ARHGEF4: variants seen among roughly 807,000 people sequenced by gnomAD.
The protein encoded by ARHGEF4 is APC-stimulated guanine nucleotide exchange factor 1.
A neutral mutation model predicts 162.0 loss-of-function variants in ARHGEF4; 119 were observed. The observed-to-expected ratio is 0.73, with a 90% CI of 0.63 to 0.86. ARHGEF4 has a LOEUF of 0.86. Among genes scored for constraint, ARHGEF4 ranks in the 40% least tolerant of loss-of-function variants. The pLI, the probability that ARHGEF4 is intolerant of heterozygous loss-of-function variation, is 0.00. For synonymous variants in ARHGEF4, 1,014 were observed against 979.9 expected (o/e 1.03, Z -0.65); for missense variants, 2,488 against 2,456.0 (o/e 1.01, Z -0.28).
At chr2:130,949,596 C>T (rs771331329) in intron 4 of ARHGEF4, among the ~76,000 whole-genome samples, 16 of 151,420 alleles carry the variant, frequency 1.1e-4, no homozygotes, top group African/African-American at 2.2e-4. Flanking sequence ...CCTCGTGATC[C>T]GCCTGTCTTG....
chr2:130,902,766 T>C (rs1680562275), intron 1 of ARHGEF4, among the ~76,000 whole-genome samples: 1 of 152,216 alleles, frequency 6.6e-6, no homozygotes, highest in East Asian at 1.9e-4. Flanking sequence ...TCCTGTCGGG[T>C]CCGTACCATC....
At chr2:130,917,561 G>A in intron 2 of ARHGEF4, 63 bp downstream of exon 2, 1 of 1,475,594 alleles carries the variant, frequency 6.8e-7, no homozygotes, top group Non-Finnish European at 9.0e-7. Context: ...GAGGGGAGCA[G>A]GCGGGAATCT....
chr2:130,919,695 G>A (rs1192250187), intron 2 of ARHGEF4, among the ~76,000 whole-genome samples: 3 of 152,080 alleles, frequency 2.0e-5, no homozygotes, highest in Non-Finnish European at 4.4e-5. Context: ...GGCCAACATG[G>A]TGAAACCCCG....
At chr2:130,946,679 G>A in intron 4 of ARHGEF4, 44 bp downstream of exon 4, 4 of 1,610,426 alleles carry the variant, frequency 2.5e-6, no homozygotes, top group Non-Finnish European at 3.4e-6. Flanking sequence ...TCTGGATCCT[G>A]GCATGAAGGA....
intron 4 of ARHGEF4, among the ~76,000 whole-genome samples, chr2:130,993,749 G>A (rs1312991045): frequency 6.6e-6 from 1 of 151,994 alleles, no homozygotes; most frequent in Admixed American, 6.6e-5. Context: ...AGAGTCTGTA[G>A]GACATATCTT....
At chr2:131,031,134 C>A (rs1224473611) in intron 5 of ARHGEF4, among the ~76,000 whole-genome samples, 1 of 152,170 alleles carries the variant, frequency 6.6e-6, no homozygotes, top group Non-Finnish European at 1.5e-5. Flanking sequence ...TTTTTGAGCT[C>A]TCAGTTCCTT....
chr2:131,019,824 C>T (rs930873047), intron 4 of ARHGEF4, among the ~76,000 whole-genome samples: 2 of 152,042 alleles, frequency 1.3e-5, no homozygotes, highest in African/African-American at 2.4e-5. Flanking sequence ...TTAGTAAAGA[C>T]GGGGTTTCAC....
intron 1 of ARHGEF4, among the ~76,000 whole-genome samples, chr2:130,907,313 C>T (rs1410703530): frequency 6.7e-6 from 1 of 149,130 alleles, no homozygotes; most frequent in Non-Finnish European, 1.5e-5. Flanking sequence ...CTCCTGGGTT[C>T]ACGCCATTCT....
In ARHGEF4 at chr2:131,046,182, G is replaced by C. The variant is rs946415096; in HGVS notation, c.5624G>C (p.Arg1875Pro). 6.2e-7 allele frequency: 1 copy of C among 1,611,270 alleles called. No individual in the cohort carries two copies. Among genetic ancestry groups the C allele is most frequent in the African/African-American group, 1.3e-5 (1 of 75,018 alleles). Residue 1875 changes from arginine to proline, a missense_variant, in exon 14 of 14, where the codon CGC becomes CCC. By Grantham distance (103) the Arg-to-Pro change is moderately radical (BLOSUM62 -2). Around this residue, in one of 6 missense-constraint regions of ARHGEF4, gnomAD observed 415 missense variants for 512.4 expected, o/e 0.81. Transcript: ENST00000409359. ...AGCATCAGCCGGCTGGCACCCTTCC[G>C]CAAGTGAACTGGTCCCTGCCTGACA... Reference protein sequence around the residue: ...WHSISRLAPFRK With the variant: ...WHSISRLAPFPK
chr2:130,943,206 C>T (rs1350556066), intron 3 of ARHGEF4, among the ~76,000 whole-genome samples: 1 of 152,064 alleles, frequency 6.6e-6, no homozygotes, highest in Non-Finnish European at 1.5e-5. Context: ...TTATGTTCTT[C>T]TGTGTCCTTG....
intron 4 of ARHGEF4, among the ~76,000 whole-genome samples, chr2:130,958,071 G>C (rs1684403897): frequency 6.6e-6 from 1 of 151,354 alleles, no homozygotes; most frequent in African/African-American, 2.4e-5. Context: ...AGTATGCTCA[G>C]CTTGCCAAAG....
chr2:130,879,547 C>T (rs1048557199), intron 1 of ARHGEF4, among the ~76,000 whole-genome samples: 1 of 152,110 alleles, frequency 6.6e-6, no homozygotes, highest in African/African-American at 2.4e-5. Flanking sequence ...CTTATTCCTC[C>T]TGTCTAACTG....
Position 131,040,458 on chromosome 2 carries a change from G to C in ARHGEF4, c.4662+18G>C. ...TGGAGCATGTGAGCGCGCGGCCCCC[G>C]GCCCCTACCTGGGCGCTGCGTTCAC... On this transcript the variant is annotated intron_variant, in intron 8 of 13. Coordinates refer to ENST00000409359, the MANE Select transcript of ARHGEF4 (RefSeq NM_001367493.1). The C allele has an allele frequency of 1.3e-6, 2 of 1,540,744 alleles. No homozygotes were observed. Among genetic ancestry groups the C allele is most frequent in the Non-Finnish European group, 1.8e-6 (2 of 1,142,414 alleles).
At chr2:130,953,518 A>G (rs1033397782) in intron 4 of ARHGEF4, among the ~76,000 whole-genome samples, 1 of 152,212 alleles carries the variant, frequency 6.6e-6, no homozygotes, top group East Asian at 1.9e-4. Flanking sequence ...TGACTAAAAC[A>G]CCAAAAGTAA....
intron 1 of ARHGEF4, among the ~76,000 whole-genome samples, chr2:130,851,724 G>A (rs781341100): frequency 3.3e-5 from 5 of 152,214 alleles, no homozygotes; most frequent in African/African-American, 4.8e-5. Context: ...CAGCTCATCC[G>A]TGAGCTGGAA....
At chr2:130,896,231 A>G (rs1490657158) in intron 1 of ARHGEF4, among the ~76,000 whole-genome samples, 1 of 152,160 alleles carries the variant, frequency 6.6e-6, no homozygotes, top group South Asian at 2.1e-4. Flanking sequence ...TAATACATGA[A>G]CTTTTGTTCT....
chr2:130,968,874 C>T (rs986760842), intron 4 of ARHGEF4, among the ~76,000 whole-genome samples: 6 of 152,198 alleles, frequency 3.9e-5, no homozygotes, highest in Admixed American at 2.0e-4. Context: ...GCCGAGACTG[C>T]GCCACTGCAC....
intron 4 of ARHGEF4, among the ~76,000 whole-genome samples, chr2:130,973,604 G>A (rs915779416): frequency 6.6e-6 from 1 of 152,194 alleles, no homozygotes; most frequent in Non-Finnish European, 1.5e-5. Flanking sequence ...TCTGATAAGT[G>A]GATACCCATC....
chr2:131,012,017 G>A (rs1688484758), intron 4 of ARHGEF4: 2 of 671,856 alleles, frequency 3.0e-6, no homozygotes, highest in African/African-American at 3.6e-5. Flanking sequence ...AGAAAGACAG[G>A]CGTCAGGATA....
Sources: gnomAD v4.1 joint callset for allele counts (sites outside exome capture counted in the v4.1 genomes callset) on GRCh38, gnomAD v4.1.1 for gene constraint, gnomAD v4.1.1 regional missense constraint, MANE v1.5 for transcripts, NCBI Gene and HGNC (gene_info 2026-07-23, HGNC 2026-07-21) for gene names.